Variants in SH3BP5 observed in about 807,000 individuals in gnomAD.
SH3BP5 encodes the protein SH3 domain binding protein 5.
Under a neutral mutation model 43.3 loss-of-function variants are expected in SH3BP5, and 22 were observed. That is an observed-to-expected ratio of 0.51 (90% CI 0.36 to 0.73). The LOEUF is 0.73. SH3BP5 is among the 30% of genes least tolerant of loss of function. The pLI is 0.00. For synonymous variants in SH3BP5, 255 were observed against 225.8 expected, an observed-to-expected ratio of 1.13 and a Z score of -1.16; for missense variants, 529 against 586.9, an observed-to-expected ratio of 0.90 and a Z score of 1.02.
intron 3 of SH3BP5, among the ~76,000 whole-genome samples, chr3:15,289,715 A>G (rs963557530): frequency 6.6e-6 from 1 of 152,156 alleles, no homozygotes; most frequent in Non-Finnish European, 1.5e-5. Context: ...ATATTTTCCT[A>G]TGGCCTTGGG....
chr3:15,282,358 A>G (rs1160316206), intron 3 of SH3BP5, among the ~76,000 whole-genome samples: 1 of 152,168 alleles, frequency 6.6e-6, no homozygotes, highest in Non-Finnish European at 1.5e-5. Flanking sequence ...AGTTAACCAC[A>G]AGCTATGTTG....
rs1237370323 is a variant in SH3BP5, at chr3:15,275,566, A to G, written c.331-5689T>C. On this transcript the variant is annotated intron_variant, in intron 3 of 8. Transcript: ENST00000383791. ...TCACAGCAGAGAAACCCAATGAGCC[A>G]GCGGAAGAAGTGAGGCCCTGCTTAT... 13 of 152,306 alleles carry G rather than the reference A, an allele frequency of 8.5e-5. No individual in the cohort carries two copies. The East Asian group carries it at 2.5e-3, about 29-fold the overall frequency. The allele number at this position is 152,306 out of a possible 1,614,324, so 9.4% of individuals were successfully genotyped here.
At position 15,290,526 on chromosome 3, in the gene SH3BP5, A is replaced by C. The variant is rs910300504; in HGVS notation, c.330+13577T>G. On this transcript the variant is annotated intron_variant, in intron 3 of 8. Transcript: ENST00000383791. ...GGGCAACAGAGTGAGACTCTGTCCC[A>C]AAAAAAAAAAAAAAAAAAAAAAATT... is the stretch of plus-strand genomic sequence containing the variant. 1.9e-3 allele frequency among the ~76,000 whole-genome samples: 147 copies of C among 77,184 alleles called. 1 individual carries two copies. Among genetic ancestry groups the C allele is most frequent in the Admixed American group, 4.0e-3 (35 of 8,756 alleles). 50.6% of individuals were successfully genotyped at this position (77,184 alleles called of 152,430 possible). A position where few individuals can be genotyped will look rare whatever the true frequency, so the allele number is the denominator to read the frequency against.
At chr3:15,296,551 T>A (rs1697577060) in intron 3 of SH3BP5, among the ~76,000 whole-genome samples, 1 of 152,128 alleles carries the variant, frequency 6.6e-6, no homozygotes, top group African/African-American at 2.4e-5. Flanking sequence ...AGTCAATAGC[T>A]ACCGAAGAAA....
chr3:15,259,470 G>T, intron 6 of SH3BP5: 1 of 554,160 alleles, frequency 1.8e-6, no homozygotes, highest in Non-Finnish European at 3.2e-6. Context: ...GTCTAGAGTG[G>T]GACCTGGTCT....
At chr3:15,289,529 C>A (rs1359575271) in intron 3 of SH3BP5, among the ~76,000 whole-genome samples, 1 of 152,162 alleles carries the variant, frequency 6.6e-6, no homozygotes, top group African/African-American at 2.4e-5. Context: ...TAATTCCGGA[C>A]TGCCTAATTT....
In SH3BP5 at chr3:15,256,247, C is replaced by T. The variant is rs751453170; in HGVS notation, c.1207G>A (p.Gly403Ser). The part of the protein sequence containing the change: ...KTSDKANNNR[G>S]LSSSSGSGGS... ...CCACTGCCACTGCTACTGCTGAGGCCCCGGTTGTTGTTGGCTTTGTCACTT... is the reference window on the plus strand; with the variant it reads ...CCACTGCCACTGCTACTGCTGAGGCTCCGGTTGTTGTTGGCTTTGTCACTT... Residue 403 changes from glycine (G) to serine (S), a missense_variant, in exon 9 of 9, where the codon GGC (glycine) becomes AGC (serine). Transcript: ENST00000383791. 3 of 1,614,218 alleles carry T rather than the reference C, an allele frequency of 1.9e-6. No individual in the cohort carries two copies. The highest frequency in any genetic ancestry group is 1.1e-5 in the South Asian group (1 of 91,090).
At chr3:15,273,320 A>C (rs564360993) in intron 3 of SH3BP5, 2 of 985,372 alleles carry the variant, frequency 2.0e-6, no homozygotes, top group African/African-American at 3.5e-5. Context: ...CGGCCTTCTG[A>C]AAGGTGGCTG....
chr3:15,320,514 T>C (rs1490628179), intron 2 of SH3BP5, among the ~76,000 whole-genome samples: 4 of 151,534 alleles, frequency 2.6e-5, no homozygotes. Flanking sequence ...ATCGGCAGAC[T>C]AAGTAACTCT....
chr3:15,314,125 T>G (rs557776751), intron 2 of SH3BP5, among the ~76,000 whole-genome samples: 8 of 151,456 alleles, frequency 5.3e-5, no homozygotes, highest in Non-Finnish European at 7.4e-5. Context: ...TTAATTAACT[T>G]AGTGATTTTT....
At chr3:15,263,799 A>G (rs891323572) in intron 4 of SH3BP5, among the ~76,000 whole-genome samples, 6 of 152,218 alleles carry the variant, frequency 3.9e-5, no homozygotes, top group Non-Finnish European at 8.8e-5. Flanking sequence ...AGGCCACATA[A>G]GCAGCTTGCG....
In SH3BP5 at chr3:15,255,995, G is replaced by A. The variant is rs942927187; in HGVS notation, c.*91C>T. The A allele has an allele frequency of 1.5e-5, 16 of 1,054,460 alleles. No homozygotes were observed. Among genetic ancestry groups the A allele is most frequent in the African/African-American group, 7.9e-5 (5 of 63,232 alleles). The allele number at this position is 1,054,460 out of a possible 1,614,324, so 65.3% of individuals were successfully genotyped here. ...AGAGCAGTTTAGAGTAGACGTGTAA[G>A]ATTTGGCATATATTAAATGATTATT... is the stretch of plus-strand genomic sequence containing the variant. On this transcript the variant is annotated 3_prime_UTR_variant, in exon 9 of 9. Coordinates refer to ENST00000383791, the MANE Select transcript of SH3BP5 (RefSeq NM_004844.5).
chr3:15,333,450 G>A (rs17541535), upstream of SH3BP5, among the ~76,000 whole-genome samples: 1,163 of 152,300 alleles, frequency 7.6e-3, 12 homozygotes, highest in South Asian at 0.012. Context: ...TGAGTTTGGA[G>A]GACAAATTTG....
intron 4 of SH3BP5, among the ~76,000 whole-genome samples, chr3:15,262,803 T>C (rs1193659324): frequency 1.3e-5 from 2 of 151,586 alleles, no homozygotes; most frequent in Non-Finnish European, 2.9e-5. Context: ...ACTAAAAATA[T>C]AAACATTTGC....
In SH3BP5 at chr3:15,332,304, C is replaced by A; in HGVS notation, c.105G>T (p.Leu35=). ...GGGGATCCACCTCTTCTTCCTCCTC[C>A]AGCCCCTGCTCCATCCCCTCTTCCT... The part of the protein sequence containing the change: ...EEEEEGMEQG[L]EEEEEVDPRI... The change falls in exon 1 of 9, where the codon CTG becomes CTT. Residue 35 remains leucine (L), a synonymous_variant. Transcript: ENST00000383791. The A allele has an allele frequency of 6.5e-7, 1 of 1,548,180 alleles. No homozygotes were observed. The highest frequency in any genetic ancestry group is 2.0e-5 in the Admixed American group (1 of 51,258).
intron 3 of SH3BP5, among the ~76,000 whole-genome samples, chr3:15,302,339 G>A (rs1697776889): frequency 6.6e-6 from 1 of 152,202 alleles, no homozygotes; most frequent in South Asian, 2.1e-4. Flanking sequence ...CCCAGCTGGA[G>A]ATGGAAAAAG....
intron 3 of SH3BP5, among the ~76,000 whole-genome samples, chr3:15,290,609 G>T (rs1322212434): frequency 6.6e-6 from 1 of 151,746 alleles, no homozygotes; most frequent in Admixed American, 6.6e-5. Flanking sequence ...TGAGGCAGGA[G>T]AATCACTTGA....
intron 3 of SH3BP5, among the ~76,000 whole-genome samples, chr3:15,293,704 T>C (rs1697477447): frequency 6.6e-6 from 1 of 152,204 alleles, no homozygotes; most frequent in African/African-American, 2.4e-5. Flanking sequence ...GTTTAAACCT[T>C]CACTCCTGTC....
In SH3BP5 at chr3:15,294,795, C is replaced by T. The variant is rs192061785; in HGVS notation, c.330+9308G>A. ...TAAGCCCCCTAACTCAAGAGCCTAC[C>T]ATGGCTACTTTGCAGCTTCTCAACC... On this transcript the variant is annotated intron_variant, in intron 3 of 8. Coordinates refer to ENST00000383791, the MANE Select transcript of SH3BP5 (RefSeq NM_004844.5). Among the ~76,000 whole-genome samples, 285 of 152,260 alleles carry T rather than the reference C, an allele frequency of 1.9e-3. 8 individuals carry two copies. Among genetic ancestry groups the T allele is most frequent in the Admixed American group, 0.018 (274 of 15,292 alleles).
Sources: gnomAD v4.1 joint callset for allele counts (sites outside exome capture counted in the v4.1 genomes callset) on GRCh38, gnomAD v4.1.1 for gene constraint, MANE v1.5 for transcripts, NCBI Gene and HGNC (gene_info 2026-07-23, HGNC 2026-07-21) for gene names.